Variants in GRB2 observed in about 807,000 individuals in gnomAD.
GRB2 encodes the protein growth factor receptor-bound protein 2.
In GRB2, 2 loss-of-function variants were observed where a neutral mutation model predicts 27.4. That is an observed-to-expected ratio of 0.07 (90% confidence interval 0.03 to 0.23). The LOEUF (loss-of-function observed/expected upper bound fraction) is 0.23. Ranked by LOEUF, GRB2 falls within the 10% of genes least tolerant of loss-of-function variation. The pLI, the probability that GRB2 is intolerant of heterozygous loss-of-function variation, is 1.00. For missense variants in GRB2, 102 were observed against 282.4 expected, an observed-to-expected ratio of 0.36 and a Z score of 4.58; for synonymous variants, 94 against 99.6, an observed-to-expected ratio of 0.94 and a Z score of 0.33.
chr17:75,359,507 A>AAACAAT (rs2078764568), intron 2 of GRB2, among the ~76,000 whole-genome samples: 1 of 148,206 alleles, frequency 6.7e-6, no homozygotes, highest in South Asian at 2.1e-4. Flanking sequence ...CATTGTCTCA[A>AAACAAT]AATAATAATA....
At chr17:75,393,512 G>C (rs1467440652) in intron 2 of GRB2, 39 bp downstream of exon 2, 1 of 1,517,538 alleles carries the variant, frequency 6.6e-7, no homozygotes, top group Non-Finnish European at 9.2e-7. Flanking sequence ...TGAGCACAGG[G>C]AGAGCGATCT....
chr17:75,323,415 C>T (rs1376692463), intron 4 of GRB2, among the ~76,000 whole-genome samples: 2 of 152,166 alleles, frequency 1.3e-5, no homozygotes, highest in African/African-American at 2.4e-5. Context: ...CCATGCAATG[C>T]AGGTGGTTTC....
chr17:75,396,631 G>GC (rs2079030741), intron 1 of GRB2, among the ~76,000 whole-genome samples: 1 of 152,030 alleles, frequency 6.6e-6, no homozygotes, highest in African/African-American at 2.4e-5. Flanking sequence ...CAAGCAATCT[G>GC]CCTGCCTCGG....
chr17:75,374,695 G>A (rs1489902581), intron 2 of GRB2, among the ~76,000 whole-genome samples: 1 of 151,944 alleles, frequency 6.6e-6, no homozygotes, highest in African/African-American at 2.4e-5. Context: ...GCTGATGTGG[G>A]AAGATCGCTG....
At chr17:75,366,743 T>C (rs2078822609) in intron 2 of GRB2, among the ~76,000 whole-genome samples, 1 of 151,816 alleles carries the variant, frequency 6.6e-6, no homozygotes, top group Admixed American at 6.6e-5. Flanking sequence ...GCCCAGGAGG[T>C]GGAGGTTGCA....
intron 2 of GRB2, among the ~76,000 whole-genome samples, chr17:75,350,622 GCTGGAACTACAGGCA>G (rs2078685034): frequency 6.6e-6 from 1 of 152,138 alleles, no homozygotes; most frequent in Non-Finnish European, 1.5e-5. Flanking sequence ...CTCCCAAATA[GCTGGAACTACAGGCA>G]CCCGTCACCA....
At chr17:75,393,454 A>T in intron 2 of GRB2, 97 bp downstream of exon 2, 1 of 940,008 alleles carries the variant, frequency 1.1e-6, no homozygotes, top group South Asian at 1.3e-5. Flanking sequence ...AAAGTGTACA[A>T]TGAAAAACAC....
intron 1 of GRB2, among the ~76,000 whole-genome samples, chr17:75,402,409 A>C (rs1002571492): frequency 1.3e-5 from 2 of 152,230 alleles, no homozygotes; most frequent in Non-Finnish European, 2.9e-5. Context: ...AAATTTACAC[A>C]TGTAAAAATG....
intron 2 of GRB2, among the ~76,000 whole-genome samples, chr17:75,356,016 T>C (rs1398592228): frequency 6.6e-6 from 1 of 151,900 alleles, no homozygotes; most frequent in East Asian, 1.9e-4. Context: ...TGTACTTTAG[T>C]AGAATCAGGG....
chr17:75,368,099 G>A (rs948660915), intron 2 of GRB2, among the ~76,000 whole-genome samples: 4 of 152,040 alleles, frequency 2.6e-5, no homozygotes, highest in African/African-American at 9.7e-5. Context: ...ACTTTTTGTA[G>A]AGACGGAGTT....
intron 1 of GRB2, among the ~76,000 whole-genome samples, chr17:75,397,816 AATTTATTTATTTATTTATTT>A (rs57166874): frequency 6.8e-6 from 1 of 147,814 alleles, no homozygotes; most frequent in East Asian, 2.0e-4. Context: ...AATCACTCAA[AATTTATTTATTTATTTATTT>A]ATTTATTTAT....
chr17:75,331,849 AATT>A (rs1333647465), intron 3 of GRB2, among the ~76,000 whole-genome samples: 1 of 152,190 alleles, frequency 6.6e-6, no homozygotes, highest in Non-Finnish European at 1.5e-5. Flanking sequence ...GAAGTACACA[AATT>A]ATGTGGCTTA....
At chr17:75,375,477 C>A (rs8072304) in intron 2 of GRB2, among the ~76,000 whole-genome samples, 689 of 152,220 alleles carry the variant, frequency 4.5e-3, no homozygotes, top group African/African-American at 0.016. Flanking sequence ...AAATCTATCT[C>A]AAGCGCACAG....
chr17:75,320,072 C>A lies in GRB2; in HGVS notation c.*296G>T. ...ACTATACGTGGCCTTAAACGTCATG[C>A]ACTGATGGACAGAAGAGAAAAAAGG... On this transcript the variant is annotated 3_prime_UTR_variant, in exon 6 of 6. Coordinates refer to ENST00000316804, the MANE Select transcript of GRB2 (RefSeq NM_002086.5). This position sits in a 1 kb window ranked among gnomAD's most constrained non-coding sequence, Gnocchi z 4.3. 1 of 315,578 alleles carries A rather than the reference C, an allele frequency of 3.2e-6. No individual in the cohort carries two copies. Among genetic ancestry groups the A allele is most frequent in the South Asian group, 4.0e-5 (1 of 24,976 alleles). 19.5% of individuals were successfully genotyped at this position (315,578 alleles called of 1,614,324 possible).
intron 2 of GRB2, among the ~76,000 whole-genome samples, chr17:75,334,798 A>G (rs1300585922): frequency 6.6e-6 from 1 of 152,114 alleles, no homozygotes; most frequent in Admixed American, 6.6e-5. Flanking sequence ...GTAAAAGAAA[A>G]GTTATAACAA....
intron 2 of GRB2, among the ~76,000 whole-genome samples, chr17:75,369,776 C>T (rs927544532): frequency 2.0e-5 from 3 of 150,918 alleles, no homozygotes; most frequent in Non-Finnish European, 2.9e-5. Flanking sequence ...AGGATAATTG[C>T]TTGAACCAGA....
rs572357290 is a variant in GRB2 at position 75,367,729 on chromosome 17, C to T, written c.78+25822G>A. Among the ~76,000 whole-genome samples the T allele has an allele frequency of 7.2e-5, 11 of 152,312 alleles. No homozygotes were observed. In the South Asian group the frequency reaches 8.3e-4, roughly 11 times the overall value. On this transcript the variant is annotated intron_variant, in intron 2 of 5. Transcript: ENST00000316804. ...TTAGCATTCAGTATCTTCCTTTCTC[C>T]AATTAGATAATTCCTAATTTACTCA...
At position 75,344,856 on chromosome 17, in the gene GRB2, C is replaced by CG. The variant is rs1198349938; in HGVS notation, c.79-12060_79-12059insC. Among the ~76,000 whole-genome samples, 25 of 145,990 alleles carry CG rather than the reference C, an allele frequency of 1.7e-4. No homozygotes were observed. The East Asian group carries it at 4.9e-3, about 29-fold the overall frequency. On this transcript the variant is annotated intron_variant, in intron 2 of 5. Transcript: ENST00000316804. The stretch of plus-strand genomic sequence containing the variant: ...CCCAACCCCCCACACCCCCTCCCAA[C>CG]CCCCCCGCCTGGGGGAGCAGCTGTT...
intron 2 of GRB2, chr17:75,373,299 G>T (rs963476459): frequency 2.0e-5 from 3 of 152,178 alleles, no homozygotes; most frequent in East Asian, 3.9e-4. Context: ...TGAGGCTGGA[G>T]GCATGATGTT....
Sources: allele counts gnomAD v4.1 joint callset (sites outside exome capture counted in the v4.1 genomes callset), GRCh38; gene constraint gnomAD v4.1.1; non-coding constraint Gnocchi (gnomAD v3.1); transcripts MANE v1.5; gene names NCBI Gene and HGNC (gene_info 2026-07-23, HGNC 2026-07-21).